Variants in FOXP2 observed in about 807,000 individuals in gnomAD.
FOXP2 encodes the protein forkhead box protein P2.
A neutral mutation model predicts 115.8 loss-of-function variants in FOXP2; 12 were observed. The observed-to-expected ratio is 0.10, with a 90% CI of 0.07 to 0.17. The LOEUF (loss-of-function observed/expected upper bound fraction) is 0.17, where lower values mean the gene tolerates loss of function less well. Among genes scored for constraint, FOXP2 ranks in the 10% least tolerant of loss-of-function variants. FOXP2 has a pLI of 1.00. For synonymous variants in FOXP2, 328 were observed against 297.7 expected, an observed-to-expected ratio of 1.10 and a Z score of -1.05; for missense variants, 629 against 843.5, an observed-to-expected ratio of 0.75 and a Z score of 3.15.
intron 1 of FOXP2, among the ~76,000 whole-genome samples, chr7:114,105,247 A>G (rs2172630): frequency 4.6e-4 from 70 of 152,130 alleles, no homozygotes; most frequent in African/African-American, 1.6e-3. Context: ...GTCTCAATAT[A>G]TACATTATTT....
At chr7:114,215,910 G>A (rs757948582) in intron 1 of FOXP2, among the ~76,000 whole-genome samples, 1 of 152,120 alleles carries the variant, frequency 6.6e-6, no homozygotes, top group Non-Finnish European at 1.5e-5. Context: ...TATTACCTCA[G>A]TAGAGTCTGA....
intron 2 of FOXP2, among the ~76,000 whole-genome samples, chr7:114,494,750 G>C (rs1042790002): frequency 2.6e-5 from 4 of 151,934 alleles, no homozygotes; most frequent in Admixed American, 2.6e-4. Context: ...TAATATCTCT[G>C]TTAACAAAGA....
chr7:114,581,035 C>T lies in FOXP2; in HGVS notation c.258+46329C>T, dbSNP rs571479130. 3.3e-5 allele frequency among the ~76,000 whole-genome samples: 5 copies of T among 150,956 alleles called. No individual in the cohort carries two copies. In the East Asian group the frequency reaches 9.8e-4, roughly 29 times the overall value. On this transcript the variant is annotated intron_variant, in intron 3 of 16. Coordinates refer to ENST00000350908, the MANE Select transcript of FOXP2 (RefSeq NM_014491.4). The stretch of plus-strand genomic sequence containing the variant: ...ATAGCAGTAGAGAACCAGGAGCCAG[C>T]AGTCAAAGGCCAATAGAAGATACAC...
chr7:114,465,398 T>A (rs6466487), intron 2 of FOXP2, among the ~76,000 whole-genome samples: 3,666 of 152,252 alleles, frequency 0.024, 110 homozygotes, highest in African/African-American at 0.07. Context: ...TATCAGACAA[T>A]TTGGAAGGCA....
intron 2 of FOXP2, chr7:114,297,298 T>A: frequency 3.6e-6 from 2 of 560,738 alleles, no homozygotes; most frequent in East Asian, 4.2e-5. Context: ...CACCTCTGAA[T>A]CATGTCCCAC....
intron 3 of FOXP2, among the ~76,000 whole-genome samples, chr7:114,539,921 C>T (rs970800696): frequency 4.6e-5 from 7 of 151,964 alleles, no homozygotes; most frequent in African/African-American, 1.7e-4. Flanking sequence ...AACCTGATCT[C>T]TTTGGAGCCT....
chr7:114,327,037 A>C (rs546927131), intron 2 of FOXP2, among the ~76,000 whole-genome samples: 9 of 152,196 alleles, frequency 5.9e-5, no homozygotes. Flanking sequence ...GGCTCAGAGC[A>C]TAGAAATTCA....
At chr7:114,152,785 G>A (rs747106441) in intron 1 of FOXP2, among the ~76,000 whole-genome samples, 2 of 152,074 alleles carry the variant, frequency 1.3e-5, no homozygotes, top group Admixed American at 6.6e-5. Flanking sequence ...GTCATTGACC[G>A]TAGGGTAGTT....
At chr7:114,230,468 G>T (rs1794847254) in intron 1 of FOXP2, among the ~76,000 whole-genome samples, 1 of 151,724 alleles carries the variant, frequency 6.6e-6, no homozygotes. Context: ...ATTCAAAAAT[G>T]CTCAACAAAA....
chr7:114,515,505 A>G (rs1225443475), intron 2 of FOXP2, among the ~76,000 whole-genome samples: 3 of 152,158 alleles, frequency 2.0e-5, no homozygotes, highest in African/African-American at 7.2e-5. Context: ...TTTTGGCTGC[A>G]TAGATGTCTT....
At chr7:114,629,298 G>A (rs993996393) in intron 4 of FOXP2, among the ~76,000 whole-genome samples, 21 of 152,100 alleles carry the variant, frequency 1.4e-4, no homozygotes, top group Admixed American at 1.4e-3. Flanking sequence ...TTATTAGAGA[G>A]AAAATAATGT....
chr7:114,287,744 G>C (rs1377336975), intron 1 of FOXP2, among the ~76,000 whole-genome samples: 2 of 151,562 alleles, frequency 1.3e-5, no homozygotes, highest in African/African-American at 4.8e-5. Context: ...AATGAGAGTG[G>C]GAAACAAAAT....
intron 1 of FOXP2, among the ~76,000 whole-genome samples, chr7:114,212,523 A>AT (rs1794383621): frequency 1.3e-5 from 2 of 152,112 alleles, no homozygotes; most frequent in South Asian, 4.2e-4. Flanking sequence ...AAATCTAGAT[A>AT]TTTTGACCTG....
intron 5 of FOXP2, 79 bp from the exon 6 acceptor site, chr7:114,631,449 G>A (rs560399840): frequency 1.6e-5 from 24 of 1,545,952 alleles, no homozygotes; most frequent in Non-Finnish European, 2.1e-5. Context: ...AATGAAAGGA[G>A]TGTGCATTTC....
At chr7:114,447,835 C>T (rs1794904307) in intron 2 of FOXP2, among the ~76,000 whole-genome samples, 1 of 151,990 alleles carries the variant, frequency 6.6e-6, no homozygotes, top group Admixed American at 6.6e-5. Context: ...GACCATTTTT[C>T]CAAGTTCTAT....
intron 2 of FOXP2, among the ~76,000 whole-genome samples, chr7:114,355,188 T>A (rs1034683939): frequency 2.0e-5 from 3 of 152,134 alleles, no homozygotes; most frequent in Non-Finnish European, 2.9e-5. Context: ...TTTGGGAACA[T>A]GTCAAGCCAC....
At chr7:114,216,325 G>T (rs1361418364) in intron 1 of FOXP2, among the ~76,000 whole-genome samples, 1 of 151,998 alleles carries the variant, frequency 6.6e-6, no homozygotes, top group African/African-American at 2.4e-5. Context: ...AAGTTTTTCT[G>T]TTCGGCATTT....
intron 1 of FOXP2, among the ~76,000 whole-genome samples, chr7:114,276,181 C>T (rs1465198762): frequency 6.6e-6 from 1 of 152,090 alleles, no homozygotes; most frequent in African/African-American, 2.4e-5. Flanking sequence ...CTTTTTGAGA[C>T]AGAGTCTCAC....
intron 1 of FOXP2, among the ~76,000 whole-genome samples, chr7:114,115,744 A>T (rs1475118219): frequency 1.5e-4 from 23 of 152,104 alleles, no homozygotes; most frequent in Admixed American, 1.5e-3. Context: ...CACATTCATC[A>T]TGGCAGGAGC....
Sources: allele counts gnomAD v4.1 joint callset (sites outside exome capture counted in the v4.1 genomes callset), GRCh38; gene constraint gnomAD v4.1.1; transcripts MANE v1.5; gene names NCBI Gene and HGNC (gene_info 2026-07-23, HGNC 2026-07-21).